The following PCDH15 variants were observed in gnomAD, a reference collection of about 807,000 sequenced individuals.
PCDH15 encodes the protein protocadherin related 15.
In PCDH15, 129 loss-of-function variants were observed where a neutral mutation model predicts 178.5. That is an observed-to-expected ratio of 0.72 (90% CI 0.63 to 0.84). The LOEUF is 0.84. PCDH15 is among the 40% of genes least tolerant of loss of function. The pLI, the probability that PCDH15 is intolerant of heterozygous loss-of-function variation, is 0.00. For synonymous variants in PCDH15, 800 were observed against 732.0 expected, an observed-to-expected ratio of 1.09 and a Z score of -1.50; for missense variants, 2,230 against 2,099.9, an observed-to-expected ratio of 1.06 and a Z score of -1.21.
chr10:54,193,073 A>G (rs2049194619), intron 11 of PCDH15, among the ~76,000 whole-genome samples: 1 of 152,208 alleles, frequency 6.6e-6, no homozygotes, highest in Non-Finnish European at 1.5e-5. Flanking sequence ...ACTTCAGAGC[A>G]TTTCATAGAC....
At chr10:54,456,857 G>A (rs948318255) in intron 3 of PCDH15, among the ~76,000 whole-genome samples, 1 of 152,010 alleles carries the variant, frequency 6.6e-6, no homozygotes, top group Non-Finnish European at 1.5e-5. Context: ...GTTTATAAGG[G>A]GTGTTTCTCC....
At chr10:55,460,178 T>A (rs988442352) in intron 2 of PCDH15, among the ~76,000 whole-genome samples, 2 of 151,822 alleles carry the variant, frequency 1.3e-5, no homozygotes, top group Non-Finnish European at 2.9e-5. Context: ...AAAATAATGA[T>A]GTAAAAGAAT....
chr10:55,262,316 C>T (rs1260590979), intron 1 of PCDH15, among the ~76,000 whole-genome samples: 1 of 145,744 alleles, frequency 6.9e-6, no homozygotes, highest in South Asian at 2.3e-4. Flanking sequence ...GAGGGCTTCA[C>T]ACCTGGGCCT....
At chr10:54,712,675 C>T (rs11004466) in intron 1 of PCDH15, among the ~76,000 whole-genome samples, 18,510 of 151,772 alleles carry the variant, frequency 0.12, 1,258 homozygotes, top group African/African-American at 0.17. Context: ...CATATAGCCA[C>T]GGAAAATAAC....
intron 25 of PCDH15, among the ~76,000 whole-genome samples, chr10:53,927,868 G>T (rs2133948752): frequency 6.6e-6 from 1 of 152,192 alleles, no homozygotes; most frequent in South Asian, 2.1e-4. Context: ...CAGGCCAGAT[G>T]TATTTGTTCT....
chr10:54,554,955 C>T (rs563785989), intron 2 of PCDH15, among the ~76,000 whole-genome samples: 1 of 152,104 alleles, frequency 6.6e-6, no homozygotes, highest in South Asian at 2.1e-4. Context: ...TTCCTGAATA[C>T]AAACATTGAT....
intron 13 of PCDH15, among the ~76,000 whole-genome samples, chr10:54,178,686 A>G (rs898329254): frequency 6.6e-6 from 1 of 151,924 alleles, no homozygotes; most frequent in Non-Finnish European, 1.5e-5. Flanking sequence ...ATGACTTAAG[A>G]AGTACCAGAA....
chr10:54,288,471 T>C (rs1024893221), intron 8 of PCDH15, among the ~76,000 whole-genome samples: 5 of 152,122 alleles, frequency 3.3e-5, no homozygotes, highest in African/African-American at 1.2e-4. Context: ...AGATGGGTGA[T>C]TTCTGCATTT....
rs1483692994 is a variant in PCDH15 at position 55,118,659 on chromosome 10, A to G, written c.-80+47917T>C. On this transcript the variant is annotated intron_variant, in intron 2 of 5. Coordinates refer to the PCDH15 transcript ENST00000458638. Reference sequence around the variant, plus strand: ...TCAGTATTTGAAGTGCTAACTAGCCACCAAAGGGTCTTGTAAAAATGCAGA... The same window carrying G: ...TCAGTATTTGAAGTGCTAACTAGCCGCCAAAGGGTCTTGTAAAAATGCAGA... 3.3e-5 allele frequency among the ~76,000 whole-genome samples: 5 copies of G among 152,198 alleles called. No homozygotes were observed. In the East Asian group the frequency reaches 9.6e-4, roughly 29 times the overall value.
chr10:54,904,486 G>C (rs1412383150), intron 2 of PCDH15, among the ~76,000 whole-genome samples: 1 of 151,612 alleles, frequency 6.6e-6, no homozygotes, highest in Non-Finnish European at 1.5e-5. Flanking sequence ...AAAAATCTCA[G>C]GTTGGAACAA....
chr10:54,045,620 T>C (rs1188366462), intron 18 of PCDH15, among the ~76,000 whole-genome samples: 2 of 152,050 alleles, frequency 1.3e-5, no homozygotes, highest in Non-Finnish European at 1.5e-5. Flanking sequence ...TATGATAATA[T>C]GTATTGCGAG....
rs1328176781 is a variant in PCDH15, at chr10:55,348,009, A to G, written c.-155-181358T>C. ...CTTTGAAGTCTGCTTGGAATTTTTG[A>G]TAATGTAGGGCAATTATTACAAATA... On this transcript the variant is annotated intron_variant, in intron 2 of 5. Coordinates refer to the PCDH15 transcript ENST00000613346. Among the ~76,000 whole-genome samples the G allele has an allele frequency of 2.6e-5, 4 of 152,044 alleles. No individual in the cohort carries two copies. In the East Asian group the frequency reaches 7.7e-4, roughly 29 times the overall value.
chr10:53,968,213 C>G (rs12257204), intron 21 of PCDH15, among the ~76,000 whole-genome samples: 3 of 152,314 alleles, frequency 2.0e-5, no homozygotes, highest in South Asian at 2.1e-4. Context: ...TATCCCACGC[C>G]TGGCTCAGAG....
intron 3 of PCDH15, among the ~76,000 whole-genome samples, chr10:54,453,589 G>A (rs960175835): frequency 1.1e-4 from 17 of 151,736 alleles, no homozygotes; most frequent in African/African-American, 3.6e-4. Flanking sequence ...CACCAACATG[G>A]CACATGTATA....
chr10:54,193,863 T>C (rs1289142395), intron 11 of PCDH15, among the ~76,000 whole-genome samples: 3 of 152,102 alleles, frequency 2.0e-5, no homozygotes, highest in Non-Finnish European at 2.9e-5. Context: ...ACTGTGATCA[T>C]GGTAAGGCAT....
At chr10:54,174,810 A>G (rs1414055480) in intron 13 of PCDH15, among the ~76,000 whole-genome samples, 1 of 140,290 alleles carries the variant, frequency 7.1e-6, no homozygotes, top group African/African-American at 2.7e-5. Flanking sequence ...CTCCCGCTTC[A>G]GCCTCCTGAG....
intron 8 of PCDH15, among the ~76,000 whole-genome samples, chr10:54,283,846 T>A (rs1365244433): frequency 2.0e-5 from 3 of 152,102 alleles, no homozygotes; most frequent in African/African-American, 7.2e-5. Context: ...TGATTTTATT[T>A]ACTTATTTAT....
chr10:54,995,614 C>T (rs1459047891), intron 2 of PCDH15, among the ~76,000 whole-genome samples: 3 of 114,036 alleles, frequency 2.6e-5, no homozygotes, highest in Non-Finnish European at 3.7e-5. Flanking sequence ...TCCGAATAAA[C>T]ATATAAATTA....
At chr10:54,668,925 C>A (rs1303467444) in intron 1 of PCDH15, among the ~76,000 whole-genome samples, 1 of 152,118 alleles carries the variant, frequency 6.6e-6, no homozygotes, top group African/African-American at 2.4e-5. Context: ...TACTGTTATT[C>A]TTGATCTGTA....
Sources: allele counts gnomAD v4.1 joint callset (sites outside exome capture counted in the v4.1 genomes callset), GRCh38; gene constraint gnomAD v4.1.1; transcripts MANE v1.5; gene names NCBI Gene and HGNC (gene_info 2026-07-23, HGNC 2026-07-21).